Variants in TSHZ2 observed in about 807,000 individuals in gnomAD.
TSHZ2 encodes the protein teashirt homolog 2.
A neutral mutation model predicts 74.4 loss-of-function variants in TSHZ2; 21 were observed. The observed-to-expected ratio is 0.28, with a 90% confidence interval of 0.20 to 0.41. The LOEUF (loss-of-function observed/expected upper bound fraction) is 0.41. Ranked by LOEUF, TSHZ2 falls within the 10% of genes least tolerant of loss-of-function variation. The pLI is 1.00. For synonymous variants in TSHZ2, 540 were observed against 515.3 expected (o/e 1.05, Z -0.65); for missense variants, 1,244 against 1,293.5 (o/e 0.96, Z 0.59).
intron 2 of TSHZ2, among the ~76,000 whole-genome samples, chr20:53,431,276 G>A (rs1983839944): frequency 6.6e-6 from 1 of 151,966 alleles, no homozygotes. Flanking sequence ...GGCCAGCATG[G>A]CGAAACCCCA....
chr20:53,452,095 C>A (rs1218224092), intron 2 of TSHZ2, among the ~76,000 whole-genome samples: 1 of 152,128 alleles, frequency 6.6e-6, no homozygotes, highest in Non-Finnish European at 1.5e-5. Context: ...AGTCAGTAAC[C>A]CCAGATGACT....
In TSHZ2 at chr20:53,489,636, T is replaced by C. The variant is rs1052875367; in HGVS notation, c.*2501T>C. 1 of 156,974 alleles carries C rather than the reference T, an allele frequency of 6.4e-6. No homozygotes were observed. The highest frequency in any genetic ancestry group is 2.4e-5 in the African/African-American group (1 of 41,444). The allele number at this position is 156,974 out of a possible 1,614,324, so 9.7% of individuals were successfully genotyped here. On this transcript the variant is annotated 3_prime_UTR_variant, in exon 3 of 3. Transcript: ENST00000371497. ...ATCATCTGCTTCAACATATAATCGA[T>C]ATGGTTTTGTTAGCGTAATTTCTAT... is the stretch of plus-strand genomic sequence containing the variant.
intron 2 of TSHZ2, among the ~76,000 whole-genome samples, chr20:53,385,709 A>G (rs918640134): frequency 6.6e-6 from 1 of 152,126 alleles, no homozygotes; most frequent in Admixed American, 6.6e-5. Context: ...GTCCACGGGG[A>G]GCTTCATTCA....
chr20:53,448,259 T>C (rs1481444058), intron 2 of TSHZ2, among the ~76,000 whole-genome samples: 2 of 152,160 alleles, frequency 1.3e-5, no homozygotes, highest in Non-Finnish European at 2.9e-5. Context: ...TAGGGGTTTA[T>C]ATAGCAGAGA....
At chr20:53,207,700 G>A (rs1989202895) in intron 1 of TSHZ2, among the ~76,000 whole-genome samples, 1 of 151,810 alleles carries the variant, frequency 6.6e-6, no homozygotes, top group Non-Finnish European at 1.5e-5. Context: ...TTTTAGAGAT[G>A]GGGTCTTGCC....
chr20:53,045,141 G>A (rs1984181628), intron 1 of TSHZ2, among the ~76,000 whole-genome samples: 1 of 152,200 alleles, frequency 6.6e-6, no homozygotes, highest in South Asian at 2.1e-4. Flanking sequence ...TGGGTCAACT[G>A]AGGGCTTCTT....
chr20:53,158,217 A>T (rs1231972831), intron 1 of TSHZ2, among the ~76,000 whole-genome samples: 2 of 152,196 alleles, frequency 1.3e-5, no homozygotes, highest in Non-Finnish European at 1.5e-5. Context: ...TGAGGAAGGC[A>T]AAAGTGGAAG....
intron 2 of TSHZ2, chr20:53,399,558 T>A (rs1194189412): frequency 1.3e-5 from 2 of 152,172 alleles, no homozygotes; most frequent in Non-Finnish European, 2.9e-5. Context: ...AAGGATGCTT[T>A]ACAGACTCTG....
chr20:53,250,901 T>TTGTGTG (rs11472057), intron 1 of TSHZ2, among the ~76,000 whole-genome samples: 4,322 of 148,940 alleles, frequency 0.029, 80 homozygotes, highest in Middle Eastern at 0.048. Flanking sequence ...GGTGGGCAGA[T>TTGTGTG]TGTGTGTGTG....
chr20:53,126,939 C>T (rs983901110), intron 1 of TSHZ2, among the ~76,000 whole-genome samples: 5 of 151,964 alleles, frequency 3.3e-5, no homozygotes, highest in African/African-American at 1.2e-4. Flanking sequence ...CGAGGATGTT[C>T]TGTCCGTTCC....
At chr20:53,105,243 T>C (rs1986328464) in intron 1 of TSHZ2, among the ~76,000 whole-genome samples, 1 of 152,218 alleles carries the variant, frequency 6.6e-6, no homozygotes, top group African/African-American at 2.4e-5. Flanking sequence ...GACTTTATCA[T>C]TTCTTGCTCA....
intron 2 of TSHZ2, among the ~76,000 whole-genome samples, chr20:53,391,146 TTTTGTTTTGG>T (rs1207857830): frequency 3.5e-4 from 52 of 150,206 alleles, no homozygotes; most frequent in African/African-American, 1.0e-3. Flanking sequence ...TTTTGTTTTG[TTTTGTTTTGG>T]TTTGGTTTGA....
At chr20:53,051,716 G>A (rs1984474621) in intron 1 of TSHZ2, among the ~76,000 whole-genome samples, 1 of 152,164 alleles carries the variant, frequency 6.6e-6, no homozygotes, top group Non-Finnish European at 1.5e-5. Flanking sequence ...TCAAGAATAT[G>A]GGCTCCGACT....
intron 2 of TSHZ2, among the ~76,000 whole-genome samples, chr20:53,396,756 C>T (rs886430958): frequency 6.7e-6 from 1 of 150,216 alleles, no homozygotes; most frequent in East Asian, 2.0e-4. Flanking sequence ...CTGAGGTGAG[C>T]GGATCACTTG....
At chr20:53,474,242 A>C (rs1043847877) in intron 2 of TSHZ2, among the ~76,000 whole-genome samples, 168 of 145,540 alleles carry the variant, frequency 1.2e-3, no homozygotes, top group African/African-American at 4.1e-3. Flanking sequence ...AAAAAATGTT[A>C]AGGGCAGCCA....
At chr20:53,152,840 T>C (rs1987706013) in intron 1 of TSHZ2, among the ~76,000 whole-genome samples, 1 of 152,158 alleles carries the variant, frequency 6.6e-6, no homozygotes, top group African/African-American at 2.4e-5. Flanking sequence ...GGGAGAGATA[T>C]TCAAGTAAAC....
In TSHZ2 at chr20:53,254,864, C is replaced by T; in HGVS notation, c.1406C>T (p.Pro469Leu). ...ELKKESKKERPEETSKDEKVV... is the reference protein window; with the variant it reads ...ELKKESKKERLEETSKDEKVV... ...AAGAAAGAGAGTAAAAAAGAAAGGCCAGAGGAAACCAGCAAGGATGAGAAA... is the reference window on the plus strand; with the variant it reads ...AAGAAAGAGAGTAAAAAAGAAAGGCTAGAGGAAACCAGCAAGGATGAGAAA... The change falls in exon 2 of 3, where the codon CCA becomes CTA. Residue 469 changes from proline to leucine, a missense_variant. By Grantham distance (98) the Pro-to-Leu change is moderately conservative. Coordinates refer to ENST00000371497, the MANE Select transcript of TSHZ2 (RefSeq NM_173485.6). 1 of 1,614,082 alleles carries T rather than the reference C, an allele frequency of 6.2e-7. No individual in the cohort carries two copies. The highest frequency in any genetic ancestry group is 8.5e-7 in the Non-Finnish European group (1 of 1,180,020).
intron 2 of TSHZ2, among the ~76,000 whole-genome samples, chr20:53,469,815 AGAT>A (rs1190518013): frequency 2.1e-5 from 3 of 143,644 alleles, no homozygotes; most frequent in African/African-American, 5.2e-5. Flanking sequence ...GACCCAACAA[AGAT>A]AGAGAAAGAG....
At chr20:53,450,779 C>T (rs1422724293) in intron 2 of TSHZ2, among the ~76,000 whole-genome samples, 1 of 152,174 alleles carries the variant, frequency 6.6e-6, no homozygotes, top group African/African-American at 2.4e-5. Context: ...GCCTTGGCCT[C>T]TCAAAGTGCT....
Sources: gnomAD v4.1 joint callset for allele counts (sites outside exome capture counted in the v4.1 genomes callset) on GRCh38, gnomAD v4.1.1 for gene constraint, MANE v1.5 for transcripts, NCBI Gene and HGNC (gene_info 2026-07-23, HGNC 2026-07-21) for gene names.